CNTN4: variants seen among roughly 807,000 people sequenced by gnomAD.
CNTN4 encodes contactin-4.
In CNTN4, 77 loss-of-function variants were observed where a neutral mutation model predicts 122.5. That is an observed-to-expected ratio of 0.63 (90% confidence interval 0.52 to 0.76). The LOEUF is 0.76. Ranked by LOEUF, CNTN4 falls within the 30% of genes least tolerant of loss-of-function variation. The pLI, the probability that CNTN4 is intolerant of heterozygous loss-of-function variation, is 0.00. For missense variants in CNTN4, 1,256 were observed against 1,259.1 expected, an observed-to-expected ratio of 1.00 and a Z score of 0.04; for synonymous variants, 512 against 447.0, an observed-to-expected ratio of 1.15 and a Z score of -1.83.
chr3:2,552,923 G>A (rs142389868), intron 3 of CNTN4, among the ~76,000 whole-genome samples: 14 of 152,226 alleles, frequency 9.2e-5, no homozygotes, highest in African/African-American at 3.1e-4. Context: ...GTAGGCACCC[G>A]GAGACTAGAG....
chr3:2,177,354 C>T (rs1354616089), intron 2 of CNTN4, among the ~76,000 whole-genome samples: 1 of 151,988 alleles, frequency 6.6e-6, no homozygotes, highest in Non-Finnish European at 1.5e-5. Context: ...CCTGGTTTCT[C>T]AACATCTCAT....
intron 4 of CNTN4, among the ~76,000 whole-genome samples, chr3:2,588,812 A>T (rs2080329217): frequency 6.8e-6 from 1 of 146,848 alleles, no homozygotes. Flanking sequence ...AAAAAAGTGG[A>T]TGCTGTAATG....
intron 3 of CNTN4, among the ~76,000 whole-genome samples, chr3:2,472,183 C>A (rs11717960): frequency 0.19 from 29,438 of 151,288 alleles, 3,373 homozygotes; most frequent in Middle Eastern, 0.28. Flanking sequence ...TTCTCCCCAG[C>A]TCTCCACCTG....
chr3:2,518,476 C>T (rs1401993488), intron 3 of CNTN4, among the ~76,000 whole-genome samples: 1 of 152,082 alleles, frequency 6.6e-6, no homozygotes, highest in Non-Finnish European at 1.5e-5. Context: ...AAATTAGGAA[C>T]ATGTCTGCAA....
chr3:2,222,927 G>A (rs2039118252), intron 2 of CNTN4, among the ~76,000 whole-genome samples: 1 of 152,104 alleles, frequency 6.6e-6, no homozygotes, highest in Non-Finnish European at 1.5e-5. Context: ...AGCCACTACA[G>A]ACTTCTAATC....
chr3:2,764,668 G>C (rs755749468), intron 6 of CNTN4, among the ~76,000 whole-genome samples: 10 of 152,206 alleles, frequency 6.6e-5, no homozygotes, highest in Admixed American at 1.3e-4. Flanking sequence ...GTGTCTTGAA[G>C]TCTACATGGT....
intron 8 of CNTN4, among the ~76,000 whole-genome samples, chr3:2,880,898 C>T (rs1251838932): frequency 6.6e-6 from 1 of 152,030 alleles, no homozygotes; most frequent in East Asian, 1.9e-4. Context: ...GGATAAGCGT[C>T]CCTTCAAGAA....
intron 2 of CNTN4, among the ~76,000 whole-genome samples, chr3:2,337,469 A>G (rs762529002): frequency 1.3e-5 from 2 of 152,104 alleles, no homozygotes; most frequent in Non-Finnish European, 2.9e-5. Context: ...GCTAGTCTGC[A>G]TTATGTAATT....
chr3:2,175,473 T>A (rs1032685456), intron 2 of CNTN4, among the ~76,000 whole-genome samples: 3 of 152,222 alleles, frequency 2.0e-5, no homozygotes. Context: ...TAACACTGTT[T>A]ATATTTGTGT....
At chr3:2,939,744 G>A (rs925947285) in intron 13 of CNTN4, among the ~76,000 whole-genome samples, 1 of 152,216 alleles carries the variant, frequency 6.6e-6, no homozygotes, top group Non-Finnish European at 1.5e-5. Context: ...ATCTCTGGAA[G>A]TAGAGTACCC....
At chr3:2,315,120 C>T (rs549386675) in intron 2 of CNTN4, among the ~76,000 whole-genome samples, 109 of 152,016 alleles carry the variant, frequency 7.2e-4, no homozygotes, top group African/African-American at 2.6e-3. Flanking sequence ...ATGTATAGGA[C>T]AGTTCACAGA....
At chr3:2,789,488 A>C (rs2091941287) in intron 6 of CNTN4, among the ~76,000 whole-genome samples, 1 of 152,198 alleles carries the variant, frequency 6.6e-6, no homozygotes, top group East Asian at 1.9e-4. Context: ...GCTGGAGTGC[A>C]GTGGCGTGAT....
chr3:2,591,656 G>A lies in CNTN4; in HGVS notation c.55+20098G>A, dbSNP rs189638092. On this transcript the variant is annotated intron_variant, in intron 4 of 24. Coordinates refer to ENST00000418658, the MANE Select transcript of CNTN4 (RefSeq NM_175607.3). Reference sequence around the variant, plus strand: ...TGGGATTACAGGCGTGAGCCACCGCGCCCGGCCGATTTGTGACTTTTTAAA... The same window carrying A: ...TGGGATTACAGGCGTGAGCCACCGCACCCGGCCGATTTGTGACTTTTTAAA... Among the ~76,000 whole-genome samples, 7 of 51,662 alleles carry A rather than the reference G, an allele frequency of 1.4e-4. 1 individual carries two copies. The highest frequency in any genetic ancestry group is 4.5e-4 in the African/African-American group (7 of 15,462). The allele number at this position is 51,662 out of a possible 152,430, so 33.9% of individuals were successfully genotyped here.
chr3:2,476,608 A>G (rs2075841384), intron 3 of CNTN4, among the ~76,000 whole-genome samples: 1 of 152,198 alleles, frequency 6.6e-6, no homozygotes, highest in South Asian at 2.1e-4. Flanking sequence ...GGAAAGGCCA[A>G]TATAGAGAGA....
intron 6 of CNTN4, among the ~76,000 whole-genome samples, chr3:2,810,600 G>A (rs1049060781): frequency 6.6e-6 from 1 of 152,044 alleles, no homozygotes; most frequent in Non-Finnish European, 1.5e-5. Flanking sequence ...CTTTCTCAGC[G>A]CTATTTTGCC....
intron 4 of CNTN4, among the ~76,000 whole-genome samples, chr3:2,690,009 A>G (rs1453506252): frequency 6.6e-6 from 1 of 152,124 alleles, no homozygotes; most frequent in Non-Finnish European, 1.5e-5. Context: ...TTTGTTGCTC[A>G]GGGGAAAACT....
intron 13 of CNTN4, among the ~76,000 whole-genome samples, chr3:2,943,204 G>A (rs1195373616): frequency 1.0e-5 from 1 of 95,256 alleles, no homozygotes; most frequent in Non-Finnish European, 2.4e-5. Flanking sequence ...ACTGATTCCT[G>A]TCCACAAAGT....
At chr3:2,407,336 A>C (rs1408471603) in intron 3 of CNTN4, among the ~76,000 whole-genome samples, 3 of 152,160 alleles carry the variant, frequency 2.0e-5, no homozygotes, top group Non-Finnish European at 4.4e-5. Context: ...TACTTAAAGA[A>C]TCATGCTGAG....
chr3:2,911,839 A>G (rs1343152649), intron 12 of CNTN4, among the ~76,000 whole-genome samples: 1 of 152,194 alleles, frequency 6.6e-6, no homozygotes, highest in African/African-American at 2.4e-5. Flanking sequence ...TTGACCAGAC[A>G]GAAAAAAATA....
Sources: allele counts gnomAD v4.1 joint callset (sites outside exome capture counted in the v4.1 genomes callset), GRCh38; gene constraint gnomAD v4.1.1; transcripts MANE v1.5; gene names NCBI Gene and HGNC (gene_info 2026-07-23, HGNC 2026-07-21).